Variants in MAPK9 observed in about 807,000 individuals in gnomAD.
MAPK9 encodes the protein mitogen-activated protein kinase 9.
A neutral mutation model predicts 57.1 loss-of-function variants in MAPK9; 30 were observed. The observed-to-expected ratio is 0.53, with a 90% CI of 0.39 to 0.71. The LOEUF (loss-of-function observed/expected upper bound fraction) is 0.71, where lower values mean the gene tolerates loss of function less well. MAPK9 is among the 30% of genes least tolerant of loss of function. The probability of loss-of-function intolerance (pLI) is 0.00; values close to 1 mark genes in which losing one functional copy is unlikely to be tolerated. For missense variants in MAPK9, 362 were observed against 521.0 expected, an observed-to-expected ratio of 0.69 and a Z score of 2.97; for synonymous variants, 155 against 177.0, an observed-to-expected ratio of 0.88 and a Z score of 0.99.
intron 7 of MAPK9, among the ~76,000 whole-genome samples, chr5:180,244,937 C>A (rs1292353792): frequency 6.6e-6 from 1 of 152,208 alleles, no homozygotes; most frequent in African/African-American, 2.4e-5. Flanking sequence ...ATCACAAGGC[C>A]CAGGGGCCAA....
chr5:180,279,803 T>G (rs1762148751), intron 2 of MAPK9: 3 of 456,280 alleles, frequency 6.6e-6, no homozygotes, highest in South Asian at 4.6e-5. Context: ...TACCTTGAGC[T>G]GGCCCGTGAT....
At chr5:180,270,868 A>AAAAAAAAAAAAG (rs1466941482) in intron 2 of MAPK9, among the ~76,000 whole-genome samples, 19 of 137,560 alleles carry the variant, frequency 1.4e-4, no homozygotes, top group African/African-American at 4.9e-4. Flanking sequence ...CAAAAAAAAA[A>AAAAAAAAAAAAG]AAAAAGAAAA....
intron 1 of MAPK9, 80 bp from the exon 2 acceptor site, chr5:180,280,688 G>C: frequency 8.9e-7 from 1 of 1,122,392 alleles, no homozygotes; most frequent in East Asian, 2.7e-5. Flanking sequence ...TGAACTTATT[G>C]GTATGTAAGA....
chr5:180,254,937 G>C (rs868607823), intron 5 of MAPK9, among the ~76,000 whole-genome samples: 1 of 152,294 alleles, frequency 6.6e-6, no homozygotes, highest in Middle Eastern at 3.4e-3. Context: ...GGGAGGCTGA[G>C]GCAGGAGAAT....
intron 4 of MAPK9, 81 bp from the exon 5 acceptor site, chr5:180,261,903 C>T (rs1760004586): frequency 1.7e-6 from 2 of 1,187,296 alleles, no homozygotes; most frequent in Non-Finnish European, 2.4e-6. Flanking sequence ...CTGTAACTTA[C>T]TTCCAATCAC....
At chr5:180,285,228 T>C (rs912993572) in intron 1 of MAPK9, among the ~76,000 whole-genome samples, 2 of 152,214 alleles carry the variant, frequency 1.3e-5, no homozygotes, top group Non-Finnish European at 2.9e-5. Context: ...AACTGAGGCT[T>C]AGAGGAAGTT....
intron 1 of MAPK9, among the ~76,000 whole-genome samples, chr5:180,284,393 T>C (rs1447893885): frequency 6.6e-6 from 1 of 152,162 alleles, no homozygotes; most frequent in Non-Finnish European, 1.5e-5. Flanking sequence ...ACAGCCTTTG[T>C]AGGGTCTGCC....
At chr5:180,241,560 A>C (rs1357522874) in intron 8 of MAPK9, among the ~76,000 whole-genome samples, 3 of 152,244 alleles carry the variant, frequency 2.0e-5, no homozygotes, top group Non-Finnish European at 4.4e-5. Flanking sequence ...CAGCCTCCCA[A>C]AGTGCTGGGA....
chr5:180,257,573 G>GA, intron 5 of MAPK9: 1 of 152,268 alleles, frequency 6.6e-6, no homozygotes, highest in South Asian at 2.1e-4. Flanking sequence ...TTGTTTTTTA[G>GA]AAAAAATTCG....
rs754376954 is a variant in MAPK9 at position 180,247,501 on chromosome 5, C to G, written c.626G>C (p.Trp209Ser). Residue 209 changes from tryptophan to serine, a missense_variant, in exon 7 of 12, where the codon TGG becomes TCG. Physicochemically the swap from Trp to Ser is radical, Grantham distance 177. Around this residue, in one of 3 missense-constraint regions of MAPK9, gnomAD observed 127 missense variants for 231.7 expected, o/e 0.55. Transcript: ENST00000452135. This position sits in a 1 kb window ranked among gnomAD's most constrained non-coding sequence, Gnocchi z 4.5. Reference sequence around the variant, plus strand: ...CTCTCCCATGATGCAACCCACTGACCAGATATCAACTGAAAATAAAATGAA... The same window carrying G: ...CTCTCCCATGATGCAACCCACTGACGAGATATCAACTGAAAATAAAATGAA... ...GMGYKENVDI[W>S]SVGCIMGELV... The G allele has an allele frequency of 5.6e-6, 9 of 1,613,598 alleles. No individual in the cohort carries two copies. The highest frequency in any genetic ancestry group is 7.6e-6 in the Non-Finnish European group (9 of 1,179,638).
intron 5 of MAPK9, among the ~76,000 whole-genome samples, chr5:180,252,234 G>A (rs1345994433): frequency 1.3e-5 from 2 of 152,144 alleles, no homozygotes; most frequent in African/African-American, 4.8e-5. Flanking sequence ...TGTGGGCGCT[G>A]TCTGGGCCTC....
At chr5:180,279,799 G>A (rs777991427) in intron 2 of MAPK9, 28 of 456,164 alleles carry the variant, frequency 6.1e-5, no homozygotes, top group Non-Finnish European at 1.1e-4. Flanking sequence ...GCTTTACCTT[G>A]AGCTGGCCCG....
intron 2 of MAPK9, among the ~76,000 whole-genome samples, chr5:180,269,900 A>G (rs1761096251): frequency 6.6e-6 from 1 of 152,248 alleles, no homozygotes; most frequent in South Asian, 2.1e-4. Context: ...CTAAAAAGAA[A>G]AGAAGCCAAA....
intron 5 of MAPK9, among the ~76,000 whole-genome samples, chr5:180,255,431 C>T (rs764435855): frequency 1.3e-5 from 2 of 152,024 alleles, no homozygotes; most frequent in Admixed American, 6.6e-5. Flanking sequence ...AGGGCTGAGG[C>T]TTGGGAGAGG....
In MAPK9 at chr5:180,280,589, G is replaced by C; in HGVS notation, c.-28C>G. ...TGCAGCGTCCTGCAATATCCCGAAGGGTGGGCAAGTTTCAGATCCCTTCAA... is the reference window on the plus strand; with the variant it reads ...TGCAGCGTCCTGCAATATCCCGAAGCGTGGGCAAGTTTCAGATCCCTTCAA... On this transcript the variant is annotated 5_prime_UTR_variant, in exon 2 of 12. Transcript: ENST00000452135. 6.2e-7 allele frequency: 1 copy of C among 1,603,480 alleles called. No homozygotes were observed. The highest frequency in any genetic ancestry group is 8.5e-7 in the Non-Finnish European group (1 of 1,174,586).
intron 2 of MAPK9, among the ~76,000 whole-genome samples, chr5:180,272,848 T>C (rs888549706): frequency 1.3e-5 from 2 of 152,222 alleles, no homozygotes; most frequent in African/African-American, 4.8e-5. Flanking sequence ...TTCTGATGAG[T>C]AGACAACTAA....
intron 3 of MAPK9, among the ~76,000 whole-genome samples, chr5:180,267,283 C>G (rs11750373): frequency 6.6e-6 from 1 of 151,650 alleles, no homozygotes; most frequent in African/African-American, 2.4e-5. Flanking sequence ...AAAACAAGTC[C>G]GGGTGCGGTG....
At position 180,251,086 on chromosome 5, in the gene MAPK9, C is replaced by A. The variant is rs35818768; in HGVS notation, c.451-1948G>T. 7.8e-3 allele frequency among the ~76,000 whole-genome samples: 1,192 copies of A among 152,260 alleles called. 15 individuals are homozygous for A. Among genetic ancestry groups the A allele is most frequent in the African/African-American group, 0.027 (1,132 of 41,542 alleles). On this transcript the variant is annotated intron_variant, in intron 5 of 11. Coordinates refer to ENST00000452135, the MANE Select transcript of MAPK9 (RefSeq NM_002752.5). ...CTTCTTTAAAAACCCAAAATGAATGCCCATTTTTAGTCTATCACTTGGCAG... is the reference window on the plus strand; with the variant it reads ...CTTCTTTAAAAACCCAAAATGAATGACCATTTTTAGTCTATCACTTGGCAG...
intron 2 of MAPK9, among the ~76,000 whole-genome samples, chr5:180,277,537 T>C (rs1446652596): frequency 6.6e-6 from 1 of 152,194 alleles, no homozygotes. Context: ...AAATTCCTTT[T>C]GCCATGTAAA....
Sources: allele counts gnomAD v4.1 joint callset (sites outside exome capture counted in the v4.1 genomes callset), GRCh38; gene constraint gnomAD v4.1.1; regional missense constraint gnomAD v4.1.1; non-coding constraint Gnocchi (gnomAD v3.1); transcripts MANE v1.5; gene names NCBI Gene and HGNC (gene_info 2026-07-23, HGNC 2026-07-21).